Variants in RIC8A observed in about 807,000 individuals in gnomAD.
RIC8A encodes RIC8 guanine nucleotide exchange factor A, also known as chaperone Ric-8A.
RIC8A carries 37 observed loss-of-function variants against 48.4 expected under a neutral mutation model. That is an observed-to-expected ratio of 0.77 (90% CI 0.59 to 1.01). RIC8A has a LOEUF of 1.01. RIC8A is among the 50% of genes least tolerant of loss of function. RIC8A has a pLI of 0.00. For synonymous variants in RIC8A, 288 were observed against 283.4 expected, an observed-to-expected ratio of 1.02 and a Z score of -0.16; for missense variants, 681 against 696.8, an observed-to-expected ratio of 0.98 and a Z score of 0.25.
chr11:210,254 A>G (rs1221475192), intron 3 of RIC8A: 2 of 666,136 alleles, frequency 3.0e-6, no homozygotes, highest in African/African-American at 3.5e-5. Flanking sequence ...GGAGACTGTA[A>G]GAGATCCTCC....
Position 208,656 on chromosome 11 carries a change from C to T in RIC8A, c.-199C>T. On this transcript the variant is annotated 5_prime_UTR_variant, in exon 1 of 10. Transcript: ENST00000526104. The surrounding 1 kb of genome is among the most constrained non-coding windows in gnomAD (Gnocchi z 4.8). ...CCCTCGACTCGGGTCTTAAAACCTCCGAGCCGCCAGTTCTGCCTCAGGCCG... is the reference window on the plus strand; with the variant it reads ...CCCTCGACTCGGGTCTTAAAACCTCTGAGCCGCCAGTTCTGCCTCAGGCCG... 1 of 487,300 alleles carries T rather than the reference C, an allele frequency of 2.1e-6. No individual in the cohort carries two copies. The highest frequency in any genetic ancestry group is 3.6e-6 in the Non-Finnish European group (1 of 279,480). The allele number at this position is 487,300 out of a possible 1,614,324, so 30.2% of individuals were successfully genotyped here.
In RIC8A at chr11:209,508, C is replaced by T; in HGVS notation, c.234C>T (p.Asn78=). The change falls in exon 3 of 10, where the codon AAC becomes AAT. Residue 78 remains asparagine (N), a synonymous_variant. Coordinates refer to ENST00000526104, the MANE Select transcript of RIC8A (RefSeq NM_001286134.2). Reference sequence around the variant, plus strand: ...TCCGAATCCTGTCCCGGGACCGCAACTGCCTGGACCCGTTCACCAGCCGCC... The same window carrying T: ...TCCGAATCCTGTCCCGGGACCGCAATTGCCTGGACCCGTTCACCAGCCGCC... ...QSVRILSRDR[N]CLDPFTSRQS... The T allele has an allele frequency of 6.2e-7, 1 of 1,613,476 alleles. No individual in the cohort carries two copies. The highest frequency in any genetic ancestry group is 8.5e-7 in the Non-Finnish European group (1 of 1,179,584).
chr11:209,967 C>A lies in RIC8A; in HGVS notation c.693C>A (p.Ile231=). 2 of 1,596,224 alleles carry A rather than the reference C, an allele frequency of 1.3e-6. No individual in the cohort carries two copies. Among genetic ancestry groups the A allele is most frequent in the Non-Finnish European group, 1.7e-6 (2 of 1,176,450 alleles). The change falls in exon 3 of 10, where the codon ATC becomes ATA. Residue 231 remains isoleucine, a synonymous_variant. Transcript: ENST00000526104. ...AMEILKVLFN[I]TLDSIKGEVD... ...AGATCCTCAAAGTGCTCTTCAACATCACCCTGGACTCCATCAAGGGGGAGG... is the reference window on the plus strand; with the variant it reads ...AGATCCTCAAAGTGCTCTTCAACATAACCCTGGACTCCATCAAGGGGGAGG...
chr11:214,739 CACTGGCAGAGCCAGTGT>C lies in RIC8A; in HGVS notation c.*390_*406del, dbSNP rs1390771508. The C allele has an allele frequency of 5.5e-6, 2 of 361,992 alleles. No homozygotes were observed. The highest frequency in any genetic ancestry group is 1.4e-4 in the East Asian group (2 of 13,920). The allele number at this position is 361,992 out of a possible 1,614,324, so 22.4% of individuals were successfully genotyped here. ...AAGCAAGCACCATCTGGGATTGGCA[CACTGGCAGAGCCAGTGT>C]GTTGGGGTATGTGCTGCACTTCCCA... On this transcript the variant is annotated 3_prime_UTR_variant, in exon 10 of 10. Transcript: ENST00000526104.
In RIC8A at chr11:207,734, A is replaced by G. The variant is rs1320855660; in HGVS notation, c.-1121A>G. 1.0e-5 allele frequency: 2 copies of G among 191,364 alleles called. No homozygotes were observed. The highest frequency in any genetic ancestry group is 8.3e-5 in the South Asian group (1 of 12,064). 11.9% of individuals were successfully genotyped at this position (191,364 alleles called of 1,614,324 possible). On this transcript the variant is annotated 5_prime_UTR_variant, in exon 1 of 10. Transcript: ENST00000526104. ...CTCAGTGCCTAGACGATGGTGGTGG[A>G]AAGACGCTTCTGTGGGTTAGGTCCT...
chr11:212,476 A>G lies in RIC8A; in HGVS notation c.1030A>G (p.Met344Val). ...GAGCGTGCTGACTGAATGTGCCCGG[A>G]TGCACCGCCCAGCCAGGAAGTTCCT... ...VLSVLTECAR[M>V]HRPARKFLKA... Residue 344 changes from methionine to valine, a missense_variant, in exon 6 of 10, where the codon ATG becomes GTG. Met to Val is a conservative substitution (Grantham distance 21). Coordinates refer to ENST00000526104, the MANE Select transcript of RIC8A (RefSeq NM_001286134.2). 6.2e-7 allele frequency: 1 copy of G among 1,614,018 alleles called. No individual in the cohort carries two copies. Among genetic ancestry groups the G allele is most frequent in the East Asian group, 2.2e-5 (1 of 44,886 alleles).
chr11:210,512 C>T, intron 3 of RIC8A, 59 bp from the exon 4 acceptor site: 1 of 1,473,260 alleles, frequency 6.8e-7, no homozygotes, highest in Non-Finnish European at 9.5e-7. Flanking sequence ...AGTGGAGCCT[C>T]AGCAGGCAGC....
chr11:214,254 GA>G lies in RIC8A; in HGVS notation c.1501del (p.Met501Ter). Reference sequence around the variant, plus strand: ...GGAACAGAGTCATCCAGCCAATGGGGATGAGTCCCCGGGGTCATCTTACGTC... The same window carrying G: ...GGAACAGAGTCATCCAGCCAATGGGGTGAGTCCCCGGGGTCATCTTACGTC... ...SRNRVIQPMG[M>X]SPRGHLTSLQ... On this transcript the variant is annotated frameshift_variant, in exon 10 of 10. Coordinates refer to ENST00000526104, the MANE Select transcript of RIC8A (RefSeq NM_001286134.2). LOFTEE classifies it high-confidence loss of function. The G allele has an allele frequency of 6.2e-7, 1 of 1,613,910 alleles. No homozygotes were observed. Among genetic ancestry groups the G allele is most frequent in the Non-Finnish European group, 8.5e-7 (1 of 1,179,952 alleles).
rs752892982 is a variant in RIC8A, at chr11:213,400, T to C, written c.1457T>C (p.Met486Thr). Residue 486 changes from methionine (M) to threonine (T), a missense_variant, in exon 9 of 10, where the codon ATG (methionine) becomes ACG (threonine). Transcript: ENST00000526104. ...CACGAGGCCATGAAGCTGGTGACCA[T>C]GTTTGACAAGCTCTCCAGGTGTGTG... ...KEHEAMKLVT[M>T]FDKLSRNRVI... 3.1e-5 allele frequency: 50 copies of C among 1,595,156 alleles called. No individual in the cohort carries two copies. The Admixed American group carries it at 8.8e-4, about 28-fold the overall frequency.
Position 211,988 on chromosome 11 carries a change from G to C in RIC8A, c.970-428G>C. The C allele has an allele frequency of 9.1e-6, 2 of 219,380 alleles. No individual in the cohort carries two copies. The highest frequency in any genetic ancestry group is 1.9e-5 in the Non-Finnish European group (2 of 107,882). 13.6% of individuals were successfully genotyped at this position (219,380 alleles called of 1,614,324 possible). On this transcript the variant is annotated intron_variant, in intron 5 of 9. Coordinates refer to ENST00000526104, the MANE Select transcript of RIC8A (RefSeq NM_001286134.2). The surrounding 1 kb of genome is among the most constrained non-coding windows in gnomAD (Gnocchi z 4.0). Reference sequence around the variant, plus strand: ...GGGGTCCAGGCACATTATGCTAGGAGGGTCAAGAACTCCCTGCTCTGTCCA... The same window carrying C: ...GGGGTCCAGGCACATTATGCTAGGACGGTCAAGAACTCCCTGCTCTGTCCA...
At position 211,431 on chromosome 11, in the gene RIC8A, C is replaced by T; in HGVS notation, c.969+82C>T. The stretch of plus-strand genomic sequence containing the variant: ...CACAGATGTGGTCAGTGCTTCCACA[C>T]TGTCCACACTGGTACGTGGAGATTG... On this transcript the variant is annotated intron_variant, in intron 5 of 9. Coordinates refer to ENST00000526104, the MANE Select transcript of RIC8A (RefSeq NM_001286134.2). The surrounding 1 kb of genome is among the most constrained non-coding windows in gnomAD (Gnocchi z 4.0). 7.2e-7 allele frequency: 1 copy of T among 1,383,504 alleles called. No individual in the cohort carries two copies. The highest frequency in any genetic ancestry group is 9.9e-7 in the Non-Finnish European group (1 of 1,012,894). The allele number at this position is 1,383,504 out of a possible 1,614,324, so 85.7% of individuals were successfully genotyped here.
Position 213,227 on chromosome 11 carries a change from AAAATAGGTGG to A in RIC8A, c.1356-71_1356-62del, listed in dbSNP as rs1855414292. 3 of 1,592,580 alleles carry A rather than the reference AAAATAGGTGG, an allele frequency of 1.9e-6. No individual in the cohort carries two copies. The Admixed American group carries it at 5.1e-5, about 27-fold the overall frequency. On this transcript the variant is annotated intron_variant, in intron 8 of 9. Transcript: ENST00000526104. ...GCCTTGCCCACCTCACCCCACTGGGAAAATAGGTGGCTTGCCTCCTGTCCTGGAGAGTCAC... is the reference window on the plus strand; with the variant it reads ...GCCTTGCCCACCTCACCCCACTGGGACTTGCCTCCTGTCCTGGAGAGTCAC...
At chr11:213,104 G>C in intron 8 of RIC8A, 123 bp downstream of exon 8, 1 of 1,395,846 alleles carries the variant, frequency 7.2e-7, no homozygotes, top group Admixed American at 2.7e-5. Context: ...CCAGAATCAA[G>C]CACCTGTTCC....
At chr11:212,387 T>G in intron 5 of RIC8A, 29 bp from the exon 6 acceptor site, 1 of 1,600,048 alleles carries the variant, frequency 6.2e-7, no homozygotes. Flanking sequence ...GGCAGGGGCA[T>G]AGCCCCAGTG....
Position 209,616 on chromosome 11 carries a change from A to G in RIC8A, c.342A>G (p.Val114=). The change falls in exon 3 of 10, where the codon GTA becomes GTG. Residue 114 remains valine, a synonymous_variant. Coordinates refer to ENST00000526104, the MANE Select transcript of RIC8A (RefSeq NM_001286134.2). ...SVPESADMDV[V]LESLKCLCNL... ...CAGAGTCCGCAGACATGGATGTTGT[A>G]CTGGAGTCCCTCAAGTGCCTGTGCA... 6.2e-7 allele frequency: 1 copy of G among 1,614,018 alleles called. No individual in the cohort carries two copies. The highest frequency in any genetic ancestry group is 1.1e-5 in the South Asian group (1 of 91,088).
In RIC8A at chr11:212,999, A is replaced by C. The variant is rs1590077452; in HGVS notation, c.1355+18A>C. On this transcript the variant is annotated intron_variant, in intron 8 of 9. Transcript: ENST00000526104. ...AAAGCCAGGTGTGTACCCCCAACAC[A>C]CCCTCGGGTCTCCACTCACAGCCCC... 12 of 1,531,904 alleles carry C rather than the reference A, an allele frequency of 7.8e-6. No homozygotes were observed. The highest frequency in any genetic ancestry group is 1.1e-5 in the Non-Finnish European group (12 of 1,140,974). 94.9% of individuals were successfully genotyped at this position (1,531,904 alleles called of 1,614,324 possible).
In RIC8A at chr11:214,761, G is replaced by A; in HGVS notation, c.*411G>A. On this transcript the variant is annotated 3_prime_UTR_variant, in exon 10 of 10. Coordinates refer to ENST00000526104, the MANE Select transcript of RIC8A (RefSeq NM_001286134.2). ...GCACACTGGCAGAGCCAGTGTGTTG[G>A]GGTATGTGCTGCACTTCCCAGGGAG... 2.8e-6 allele frequency: 1 copy of A among 354,060 alleles called. No individual in the cohort carries two copies. 21.9% of individuals were successfully genotyped at this position (354,060 alleles called of 1,614,324 possible).
intron 6 of RIC8A, 38 bp downstream of exon 6, chr11:212,549 G>T: frequency 1.9e-6 from 3 of 1,612,786 alleles, no homozygotes; most frequent in Non-Finnish European, 2.5e-6. Context: ...GGGGGATGTG[G>T]TTTCGGCCCT....
At position 208,784 on chromosome 11, in the gene RIC8A, C is replaced by T. The variant is rs1855257980; in HGVS notation, c.-71C>T. The T allele has an allele frequency of 7.5e-7, 1 of 1,330,092 alleles. No homozygotes were observed. Among genetic ancestry groups the T allele is most frequent in the African/African-American group, 1.5e-5 (1 of 65,842 alleles). 82.4% of individuals were successfully genotyped at this position (1,330,092 alleles called of 1,614,324 possible). A position where few individuals can be genotyped will look rare whatever the true frequency, so the allele number is the denominator to read the frequency against. Reference sequence around the variant, plus strand: ...GCGCGCTGGCGCGGGGCTTTCTGGGCCAGGGCGGGGCCGGCGAACTGCGGC... The same window carrying T: ...GCGCGCTGGCGCGGGGCTTTCTGGGTCAGGGCGGGGCCGGCGAACTGCGGC... On this transcript the variant is annotated 5_prime_UTR_variant, in exon 1 of 10. Coordinates refer to ENST00000526104, the MANE Select transcript of RIC8A (RefSeq NM_001286134.2). This position sits in a 1 kb window ranked among gnomAD's most constrained non-coding sequence, Gnocchi z 4.8.
Sources: allele counts gnomAD v4.1 joint callset, GRCh38; gene constraint gnomAD v4.1.1; non-coding constraint Gnocchi (gnomAD v3.1); transcripts MANE v1.5; gene names NCBI Gene and HGNC (gene_info 2026-07-23, HGNC 2026-07-21).